UTRN: variants seen among roughly 807,000 people sequenced by gnomAD.
The protein encoded by UTRN is dystrophin-related protein 1.
A neutral mutation model predicts 463.9 loss-of-function variants in UTRN; 283 were observed. That is an observed-to-expected ratio of 0.61 (90% CI 0.55 to 0.67). The LOEUF is 0.67. UTRN is among the 30% of genes least tolerant of loss of function. The probability of loss-of-function intolerance (pLI) is 0.00; values close to 1 mark genes in which losing one functional copy is unlikely to be tolerated. For missense variants in UTRN, 3,922 were observed against 4,084.3 expected (o/e 0.96, Z 1.08); for synonymous variants, 1,442 against 1,431.5 (o/e 1.01, Z -0.17).
intron 52 of UTRN, among the ~76,000 whole-genome samples, chr6:144,689,749 A>G (rs1192349212): frequency 6.6e-6 from 1 of 152,166 alleles, no homozygotes; most frequent in African/African-American, 2.4e-5. Flanking sequence ...AAATAGCCTT[A>G]GTGTGTTGGC....
intron 74 of UTRN, among the ~76,000 whole-genome samples, chr6:144,847,568 T>G (rs1782131296): frequency 1.3e-5 from 2 of 152,094 alleles, no homozygotes; most frequent in Non-Finnish European, 2.9e-5. Flanking sequence ...ATGCCTAGAG[T>G]AGAAGAAGCA....
chr6:144,469,353 A>G (rs1303318726), intron 23 of UTRN, among the ~76,000 whole-genome samples: 2 of 152,124 alleles, frequency 1.3e-5, no homozygotes, highest in African/African-American at 2.4e-5. Flanking sequence ...AGATCTTAGT[A>G]TAATAATCGC....
chr6:144,408,960 A>T (rs527947926), intron 3 of UTRN, among the ~76,000 whole-genome samples: 1 of 152,186 alleles, frequency 6.6e-6, no homozygotes, highest in Non-Finnish European at 1.5e-5. Context: ...GAAGAGTTAC[A>T]CATTGGGTCT....
At chr6:144,717,561 A>G (rs1221649634) in intron 53 of UTRN, among the ~76,000 whole-genome samples, 1 of 150,956 alleles carries the variant, frequency 6.6e-6, no homozygotes, top group Non-Finnish European at 1.5e-5. Context: ...TTTTCTGCTT[A>G]TGAAATATTT....
At chr6:144,444,743 G>C (rs1357304075) in intron 14 of UTRN, among the ~76,000 whole-genome samples, 1 of 152,194 alleles carries the variant, frequency 6.6e-6, no homozygotes, top group Admixed American at 6.5e-5. Flanking sequence ...AGTAAATAAT[G>C]AGTAATGAAT....
chr6:144,793,118 T>C (rs978880268), intron 62 of UTRN, among the ~76,000 whole-genome samples: 3 of 152,166 alleles, frequency 2.0e-5, no homozygotes, highest in Admixed American at 1.3e-4. Context: ...TTTTAGTGTT[T>C]CTTATATAAA....
Position 144,514,785 on chromosome 6 carries a change from T to A in UTRN, c.5209T>A (p.Phe1737Ile). ...AAAGTTAGCTGAGCTGAATAGGAAC[T>A]TTGAAAAGGTGTCTCAACATATCAA... Reference protein sequence around the residue: ...EPKLAELNRNFEKVSQHIKSA... With the variant: ...EPKLAELNRNIEKVSQHIKSA... Residue 1737 changes from phenylalanine to isoleucine, a missense_variant, in exon 37 of 75, where the codon TTT (phenylalanine) becomes ATT (isoleucine). Physicochemically the swap from Phe to Ile is conservative, Grantham distance 21. Coordinates refer to ENST00000367545, the MANE Select transcript of UTRN (RefSeq NM_007124.3). The A allele has an allele frequency of 6.2e-7, 1 of 1,613,866 alleles. No individual in the cohort carries two copies. Among genetic ancestry groups the A allele is most frequent in the Non-Finnish European group, 8.5e-7 (1 of 1,179,932 alleles).
chr6:144,837,932 C>G (rs1199251080), intron 71 of UTRN, among the ~76,000 whole-genome samples: 36 of 152,234 alleles, frequency 2.4e-4, no homozygotes, highest in Admixed American at 2.4e-3. Context: ...TTCTTGAAGC[C>G]CTTCGGAATG....
Position 144,554,909 on chromosome 6 carries a change from T to C in UTRN, c.7134+16T>C, listed in dbSNP as rs200060176. On this transcript the variant is annotated intron_variant, in intron 49 of 74. Transcript: ENST00000367545. Reference sequence around the variant, plus strand: ...TGATAACCAAGTAAGACTCATCAGATATTTTTTGGCAGTATTGTTTTGTTG... The same window carrying C: ...TGATAACCAAGTAAGACTCATCAGACATTTTTTGGCAGTATTGTTTTGTTG... The C allele has an allele frequency of 1.5e-5, 25 of 1,613,336 alleles. No homozygotes were observed. In the African/African-American group the frequency reaches 3.1e-4, roughly 20 times the overall value.
At chr6:144,671,956 A>G (rs1255068267) in intron 51 of UTRN, among the ~76,000 whole-genome samples, 2 of 152,136 alleles carry the variant, frequency 1.3e-5, no homozygotes, top group African/African-American at 4.8e-5. Context: ...GTGTTGTATC[A>G]CATTTATTGA....
chr6:144,635,514 C>CTTTTT (rs1402815648), intron 51 of UTRN, among the ~76,000 whole-genome samples: 215 of 79,984 alleles, frequency 2.7e-3, no homozygotes, highest in Non-Finnish European at 3.5e-3. Flanking sequence ...CTTTTTTTTT[C>CTTTTT]TTTTTTTTTT....
intron 39 of UTRN, among the ~76,000 whole-genome samples, 173 bp downstream of exon 39, chr6:144,517,121 A>G (rs1421165644): frequency 6.6e-6 from 1 of 151,772 alleles, no homozygotes; most frequent in Middle Eastern, 3.2e-3. Context: ...GCAGAACTCA[A>G]AATGGAAATG....
chr6:144,564,515 G>T lies in UTRN; in HGVS notation c.7289+7204G>T, dbSNP rs577674546. ...TAGTCCGTTTTCATACTGCCATAAAGAACTGCCTGAGACTGGGTAATTTAT... is the reference window on the plus strand; with the variant it reads ...TAGTCCGTTTTCATACTGCCATAAATAACTGCCTGAGACTGGGTAATTTAT... On this transcript the variant is annotated intron_variant, in intron 50 of 74. Transcript: ENST00000367545. Among the ~76,000 whole-genome samples the T allele has an allele frequency of 2.0e-5, 3 of 152,222 alleles. No individual in the cohort carries two copies. The South Asian group carries it at 6.2e-4, about 32-fold the overall frequency.
chr6:144,501,237 G>A (rs1019907681), intron 34 of UTRN, among the ~76,000 whole-genome samples: 7 of 152,206 alleles, frequency 4.6e-5, no homozygotes, highest in African/African-American at 1.7e-4. Flanking sequence ...TCGGTGTGTT[G>A]TGGTTGAATG....
intron 66 of UTRN, among the ~76,000 whole-genome samples, chr6:144,823,840 A>G (rs1305725070): frequency 3.9e-5 from 6 of 152,238 alleles, no homozygotes; most frequent in Admixed American, 2.6e-4. Flanking sequence ...AGATTAAAAA[A>G]AGTAAAATAG....
chr6:144,794,050 C>T, intron 63 of UTRN, 59 bp downstream of exon 63: 3 of 1,579,682 alleles, frequency 1.9e-6, no homozygotes, highest in Middle Eastern at 2.0e-4. Flanking sequence ...TGAGGATGTT[C>T]TGAGACATGG....
At chr6:144,754,070 C>A (rs942277264) in intron 56 of UTRN, among the ~76,000 whole-genome samples, 1 of 152,080 alleles carries the variant, frequency 6.6e-6, no homozygotes. Flanking sequence ...CTCTATCCTT[C>A]TAACTATCCA....
At chr6:144,339,033 T>C (rs1584342135) in intron 2 of UTRN, among the ~76,000 whole-genome samples, 1 of 152,200 alleles carries the variant, frequency 6.6e-6, no homozygotes, top group Admixed American at 6.5e-5. Flanking sequence ...TGTTTTTTGT[T>C]TTCACTGTAA....
chr6:144,440,304 G>A (rs754294088), intron 12 of UTRN, 48 bp from the exon 13 acceptor site: 57 of 1,606,472 alleles, frequency 3.5e-5, no homozygotes, highest in African/African-American at 8.0e-5. Flanking sequence ...TTTTAAATAG[G>A]TAAATGTGAA....
Sources: allele counts gnomAD v4.1 joint callset (sites outside exome capture counted in the v4.1 genomes callset), GRCh38; gene constraint gnomAD v4.1.1; transcripts MANE v1.5; gene names NCBI Gene and HGNC (gene_info 2026-07-23, HGNC 2026-07-21).